LHFPL3: variants seen among roughly 807,000 people sequenced by gnomAD.
LHFPL3 encodes the protein LHFPL tetraspan subfamily member 3 protein.
In LHFPL3, 5 loss-of-function variants were observed where a neutral mutation model predicts 19.3. The ratio of observed to expected loss-of-function variants is 0.26; its 90% CI spans 0.14 to 0.54. The LOEUF (loss-of-function observed/expected upper bound fraction) is 0.54. Ranked by LOEUF, LHFPL3 falls within the 20% of genes least tolerant of loss-of-function variation. LHFPL3 has a pLI of 0.94. For synonymous variants in LHFPL3, 133 were observed against 126.2 expected (o/e 1.05, Z -0.36); for missense variants, 249 against 307.4 (o/e 0.81, Z 1.42).
At chr7:104,746,180 C>T (rs576385025) in intron 2 of LHFPL3, among the ~76,000 whole-genome samples, 9 of 152,214 alleles carry the variant, frequency 5.9e-5, no homozygotes, top group Admixed American at 1.3e-4. Flanking sequence ...GGTATGGTGG[C>T]GGATGCCTGT....
intron 1 of LHFPL3, among the ~76,000 whole-genome samples, chr7:104,616,337 A>G (rs537636449): frequency 2.6e-5 from 4 of 152,176 alleles, no homozygotes; most frequent in Non-Finnish European, 5.9e-5. Flanking sequence ...AACGCCACAC[A>G]TCTAAAACCA....
intron 2 of LHFPL3, among the ~76,000 whole-genome samples, chr7:104,880,899 G>T (rs528818977): frequency 6.6e-6 from 1 of 152,060 alleles, no homozygotes; most frequent in South Asian, 2.1e-4. Flanking sequence ...GGCCAGGCGC[G>T]GTGGCTCATG....
intron 1 of LHFPL3, among the ~76,000 whole-genome samples, chr7:104,563,566 A>G (rs1344108495): frequency 6.6e-6 from 1 of 152,194 alleles, no homozygotes; most frequent in Admixed American, 6.5e-5. Context: ...GCACCCACTG[A>G]CCTGCGCCCA....
chr7:104,725,481 A>T (rs1793572419), intron 1 of LHFPL3, among the ~76,000 whole-genome samples: 2 of 144,480 alleles, frequency 1.4e-5, no homozygotes, highest in African/African-American at 5.4e-5. Flanking sequence ...ATTTTCTCAC[A>T]AATAAAATTA....
intron 1 of LHFPL3, among the ~76,000 whole-genome samples, chr7:104,625,658 G>A (rs1311835371): frequency 6.6e-6 from 1 of 152,070 alleles, no homozygotes; most frequent in Non-Finnish European, 1.5e-5. Flanking sequence ...GCCTATTTGT[G>A]AAGCAAACAC....
At chr7:104,719,589 G>A (rs1793449323) in intron 1 of LHFPL3, among the ~76,000 whole-genome samples, 1 of 152,104 alleles carries the variant, frequency 6.6e-6, no homozygotes, top group Non-Finnish European at 1.5e-5. Context: ...AAATTCTAGT[G>A]TAAATAAAAG....
At chr7:104,822,267 G>A (rs367807845) in intron 2 of LHFPL3, among the ~76,000 whole-genome samples, 1 of 152,190 alleles carries the variant, frequency 6.6e-6, no homozygotes, top group Admixed American at 6.5e-5. Flanking sequence ...ATGGTATTTT[G>A]TAATACAAAT....
At chr7:104,777,326 T>G (rs1035570005) in intron 2 of LHFPL3, among the ~76,000 whole-genome samples, 1 of 152,188 alleles carries the variant, frequency 6.6e-6, no homozygotes, top group African/African-American at 2.4e-5. Flanking sequence ...AAGTGCTTGT[T>G]GTTTTACTTC....
At chr7:104,437,789 A>G (rs1047362307) in intron 1 of LHFPL3, among the ~76,000 whole-genome samples, 3 of 152,148 alleles carry the variant, frequency 2.0e-5, no homozygotes, top group Non-Finnish European at 2.9e-5. Flanking sequence ...CACCTCCCAG[A>G]ACCTCCATGT....
At chr7:104,619,132 T>A (rs1480079470) in intron 1 of LHFPL3, among the ~76,000 whole-genome samples, 1 of 152,200 alleles carries the variant, frequency 6.6e-6, no homozygotes, top group Admixed American at 6.5e-5. Flanking sequence ...AACTGTTGAT[T>A]TTGTTAGATA....
chr7:104,622,610 T>A (rs914778490), intron 1 of LHFPL3, among the ~76,000 whole-genome samples: 1 of 152,204 alleles, frequency 6.6e-6, no homozygotes, highest in African/African-American at 2.4e-5. Context: ...TTCCCCTTTC[T>A]TCTTTGCCTC....
chr7:104,438,801 AC>A (rs1792162309), intron 1 of LHFPL3, among the ~76,000 whole-genome samples: 1 of 149,386 alleles, frequency 6.7e-6, no homozygotes, highest in Non-Finnish European at 1.5e-5. Context: ...AATTTAACAA[AC>A]CAAAAGTTGA....
chr7:104,508,245 G>A (rs1339498219), intron 1 of LHFPL3, among the ~76,000 whole-genome samples: 4 of 151,960 alleles, frequency 2.6e-5, no homozygotes, highest in African/African-American at 9.7e-5. Context: ...TTAAGAAAAT[G>A]TGGCACATAT....
At chr7:104,661,108 A>G (rs1331435989) in intron 1 of LHFPL3, among the ~76,000 whole-genome samples, 1 of 152,210 alleles carries the variant, frequency 6.6e-6, no homozygotes, top group Non-Finnish European at 1.5e-5. Context: ...TTAGGGATGC[A>G]GTGCAGTGAT....
At chr7:104,812,404 C>A (rs529219962) in intron 2 of LHFPL3, among the ~76,000 whole-genome samples, 49 of 152,208 alleles carry the variant, frequency 3.2e-4, no homozygotes, top group Non-Finnish European at 6.3e-4. Context: ...CATGGATGAA[C>A]CTTACAATGT....
intron 1 of LHFPL3, among the ~76,000 whole-genome samples, chr7:104,464,524 A>T (rs1055684028): frequency 6.6e-6 from 1 of 152,238 alleles, no homozygotes; most frequent in Non-Finnish European, 1.5e-5. Context: ...TTCTGCCTGG[A>T]CATCCAGGCA....
intron 2 of LHFPL3, among the ~76,000 whole-genome samples, chr7:104,824,697 A>C (rs1201328615): frequency 2.3e-4 from 23 of 98,930 alleles, no homozygotes; most frequent in African/African-American, 9.1e-4. Flanking sequence ...TATATATTAT[A>C]TATATTATAT....
At position 104,445,024 on chromosome 7, in the gene LHFPL3, A is replaced by G. The variant is rs140748999; in HGVS notation, c.445+115800A>G. ...AAAGAATATTTATCACAGATGTGGG[A>G]CACTCTCTGATTAATTTGAATATAC... On this transcript the variant is annotated intron_variant, in intron 1 of 2. Coordinates refer to ENST00000424859, the MANE Select transcript of LHFPL3 (RefSeq NM_199000.3). Among the ~76,000 whole-genome samples, 954 of 151,720 alleles carry G rather than the reference A, an allele frequency of 6.3e-3. 27 individuals are homozygous for G. The highest frequency in any genetic ancestry group is 0.039 in the East Asian group (200 of 5,160).
chr7:104,848,101 T>A (rs1791345542), intron 2 of LHFPL3, among the ~76,000 whole-genome samples: 1 of 152,086 alleles, frequency 6.6e-6, no homozygotes, highest in Admixed American at 6.6e-5. Flanking sequence ...TCAGAAAGTA[T>A]TACCAGGATA....
Sources: allele counts gnomAD v4.1 joint callset (sites outside exome capture counted in the v4.1 genomes callset), GRCh38; gene constraint gnomAD v4.1.1; transcripts MANE v1.5; gene names NCBI Gene and HGNC (gene_info 2026-07-23, HGNC 2026-07-21).